The following DOK6 variants were observed in gnomAD, a reference collection of about 807,000 sequenced individuals.
DOK6 encodes the protein docking protein 6, also known as downstream of tyrosine kinase 6.
A neutral mutation model predicts 44.0 loss-of-function variants in DOK6; 22 were observed. That is an observed-to-expected ratio of 0.50 (90% CI 0.36 to 0.71). DOK6 has a LOEUF of 0.71. Ranked by LOEUF, DOK6 falls within the 30% of genes least tolerant of loss-of-function variation. The pLI, the probability that DOK6 is intolerant of heterozygous loss-of-function variation, is 0.00. For synonymous variants in DOK6, 166 were observed against 145.5 expected (o/e 1.14, Z -1.01); for missense variants, 340 against 416.4 (o/e 0.82, Z 1.60).
At chr18:69,548,024 G>A (rs1982454513) in intron 1 of DOK6, among the ~76,000 whole-genome samples, 1 of 150,164 alleles carries the variant, frequency 6.7e-6, no homozygotes, top group African/African-American at 2.4e-5. Context: ...CGCAATCTCA[G>A]CTCACTGCAA....
chr18:69,417,312 G>A (rs150175894), intron 1 of DOK6, among the ~76,000 whole-genome samples: 1 of 152,102 alleles, frequency 6.6e-6, no homozygotes, highest in Non-Finnish European at 1.5e-5. Context: ...TGTGAGACAC[G>A]TAACGTTTGT....
intron 5 of DOK6, among the ~76,000 whole-genome samples, chr18:69,726,532 C>A (rs538114195): frequency 6.6e-6 from 1 of 152,174 alleles, no homozygotes; most frequent in East Asian, 1.9e-4. Context: ...GCCCTGGTGA[C>A]CTCACTTTGT....
At chr18:69,505,917 CAA>C (rs34197020) in intron 1 of DOK6, among the ~76,000 whole-genome samples, 3 of 148,608 alleles carry the variant, frequency 2.0e-5, no homozygotes, top group African/African-American at 4.9e-5. Flanking sequence ...AAAACTTCCT[CAA>C]AAAAAAAATG....
intron 5 of DOK6, among the ~76,000 whole-genome samples, chr18:69,708,864 G>A (rs1008696865): frequency 5.9e-5 from 9 of 151,394 alleles, no homozygotes; most frequent in African/African-American, 9.7e-5. Flanking sequence ...GATTAAATTC[G>A]GCAAACACCT....
At chr18:69,560,697 T>C (rs914248669) in intron 1 of DOK6, among the ~76,000 whole-genome samples, 2 of 152,154 alleles carry the variant, frequency 1.3e-5, no homozygotes, top group Admixed American at 6.6e-5. Context: ...CCATTTTGAA[T>C]TAAAATACCC....
intron 1 of DOK6, among the ~76,000 whole-genome samples, chr18:69,558,889 T>C (rs1188354671): frequency 1.3e-5 from 2 of 152,096 alleles, no homozygotes; most frequent in African/African-American, 4.8e-5. Flanking sequence ...AAATGTACCA[T>C]TGTTATATAG....
chr18:69,698,709 C>A, intron 5 of DOK6, 116 bp downstream of exon 5: 1 of 1,002,598 alleles, frequency 1.0e-6, no homozygotes, highest in Non-Finnish European at 1.4e-6. Context: ...TGTTTTCATT[C>A]AGGGTAAAAG....
chr18:69,680,921 C>T (rs1048997793), intron 4 of DOK6, among the ~76,000 whole-genome samples: 3 of 152,106 alleles, frequency 2.0e-5, no homozygotes, highest in African/African-American at 7.2e-5. Context: ...TTAAAGCTGT[C>T]ATTTCACTGA....
chr18:69,652,633 G>C (rs1210524978), intron 3 of DOK6, among the ~76,000 whole-genome samples: 1 of 152,192 alleles, frequency 6.6e-6, no homozygotes, highest in Non-Finnish European at 1.5e-5. Context: ...GCTGCCGCAT[G>C]TGATGAGACT....
chr18:69,483,712 T>C (rs1207396588), intron 1 of DOK6: 1 of 152,136 alleles, frequency 6.6e-6, no homozygotes, highest in South Asian at 2.1e-4. Context: ...CAGATTGTGA[T>C]AGTAAGTTTG....
intron 3 of DOK6, among the ~76,000 whole-genome samples, chr18:69,675,785 T>C (rs1031477973): frequency 6.6e-6 from 1 of 152,196 alleles, no homozygotes; most frequent in African/African-American, 2.4e-5. Flanking sequence ...GGTTGACTGT[T>C]AGAAAATATT....
chr18:69,486,777 A>G (rs1980588861), intron 1 of DOK6, among the ~76,000 whole-genome samples: 2 of 152,192 alleles, frequency 1.3e-5, no homozygotes, highest in African/African-American at 2.4e-5. Context: ...TAAACCTACC[A>G]CAGCATACTT....
intron 1 of DOK6, among the ~76,000 whole-genome samples, chr18:69,530,475 A>C (rs34429938): frequency 0.019 from 2,868 of 152,250 alleles, 98 homozygotes; most frequent in African/African-American, 0.065. Flanking sequence ...ATATGCTTTC[A>C]GTGATTCACC....
chr18:69,627,480 G>T (rs922138287), intron 3 of DOK6, among the ~76,000 whole-genome samples: 1 of 151,724 alleles, frequency 6.6e-6, no homozygotes, highest in Non-Finnish European at 1.5e-5. Flanking sequence ...ACGGAGTCTC[G>T]CTTTGTCCCC....
chr18:69,593,009 TA>T (rs1204505322), intron 2 of DOK6, among the ~76,000 whole-genome samples: 2 of 152,166 alleles, frequency 1.3e-5, no homozygotes, highest in Admixed American at 6.5e-5. Context: ...GAAGATAGGA[TA>T]TTCAAATACA....
At chr18:69,724,909 G>T (rs557135784) in intron 5 of DOK6, 1 of 152,272 alleles carries the variant, frequency 6.6e-6, no homozygotes, top group East Asian at 1.9e-4. Context: ...TGACCCACCA[G>T]GACTCTGATG....
At chr18:69,776,903 T>A (rs1272541653) in intron 7 of DOK6, among the ~76,000 whole-genome samples, 1 of 150,014 alleles carries the variant, frequency 6.7e-6, no homozygotes, top group Non-Finnish European at 1.5e-5. Flanking sequence ...ATTATCATAG[T>A]TCTTTAAAAA....
At chr18:69,509,592 C>T (rs1014040100) in intron 1 of DOK6, among the ~76,000 whole-genome samples, 6 of 141,108 alleles carry the variant, frequency 4.3e-5, no homozygotes, top group Admixed American at 3.0e-4. Flanking sequence ...GAGCCGAGAT[C>T]GCGCCGCTGC....
chr18:69,811,096 T>C (rs975841749), intron 7 of DOK6, among the ~76,000 whole-genome samples: 7 of 152,012 alleles, frequency 4.6e-5, no homozygotes, highest in Non-Finnish European at 7.4e-5. Flanking sequence ...ATGTGGTACA[T>C]ACACACAAAC....
Sources: gnomAD v4.1 joint callset for allele counts (sites outside exome capture counted in the v4.1 genomes callset) on GRCh38, gnomAD v4.1.1 for gene constraint, MANE v1.5 for transcripts, NCBI Gene and HGNC (gene_info 2026-07-23, HGNC 2026-07-21) for gene names.